ADAMTS3: variants seen among roughly 807,000 people sequenced by gnomAD.
ADAMTS3 encodes the protein A disintegrin and metalloproteinase with thrombospondin motifs 3.
Under a neutral mutation model 129.0 loss-of-function variants are expected in ADAMTS3, and 73 were observed. That is an observed-to-expected ratio of 0.57 (90% CI 0.47 to 0.69). The LOEUF (loss-of-function observed/expected upper bound fraction) is 0.69, where lower values mean the gene tolerates loss of function less well. Among genes scored for constraint, ADAMTS3 ranks in the 30% least tolerant of loss-of-function variants. The pLI is 0.00. For synonymous variants in ADAMTS3, 477 were observed against 510.8 expected (o/e 0.93, Z 0.89); for missense variants, 1,457 against 1,514.5 (o/e 0.96, Z 0.63).
chr4:72,509,228 G>A (rs1482948817), intron 3 of ADAMTS3, among the ~76,000 whole-genome samples: 1 of 149,422 alleles, frequency 6.7e-6, no homozygotes, highest in East Asian at 2.0e-4. Flanking sequence ...AGAAATGCAA[G>A]AGCAAAGCAA....
At chr4:72,535,395 G>A (rs1455279067) in intron 3 of ADAMTS3, among the ~76,000 whole-genome samples, 1 of 152,144 alleles carries the variant, frequency 6.6e-6, no homozygotes. Context: ...CAGCTCAGAA[G>A]TTGACTTTAA....
chr4:72,290,865 G>A lies in ADAMTS3; in HGVS notation c.2921C>T (p.Pro974Leu). The A allele has an allele frequency of 1.9e-6, 3 of 1,613,726 alleles. No individual in the cohort carries two copies. The highest frequency in any genetic ancestry group is 2.5e-6 in the Non-Finnish European group (3 of 1,179,858). Residue 974 changes from proline (P) to leucine (L), a missense_variant, in exon 20 of 22, where the codon CCC becomes CTC. Coordinates refer to ENST00000286657, the MANE Select transcript of ADAMTS3 (RefSeq NM_014243.3). ...VPCPAQWKTG[P>L]WSECSVTCGE... ...AATTCACACACCTACCTCACTCCAGGGTCCTGTTTTCCACTGTGCAGGGCA... is the reference window on the plus strand; with the variant it reads ...AATTCACACACCTACCTCACTCCAGAGTCCTGTTTTCCACTGTGCAGGGCA...
chr4:72,356,599 A>G (rs1445908537), intron 4 of ADAMTS3, among the ~76,000 whole-genome samples: 1 of 151,920 alleles, frequency 6.6e-6, no homozygotes, highest in East Asian at 1.9e-4. Flanking sequence ...TTTATAATGA[A>G]GAAATAAATG....
intron 2 of ADAMTS3, among the ~76,000 whole-genome samples, chr4:72,561,849 T>C (rs1222459158): frequency 6.6e-6 from 1 of 152,218 alleles, no homozygotes; most frequent in Non-Finnish European, 1.5e-5. Context: ...GCTGAATTTG[T>C]GGCAATCATT....
chr4:72,542,853 A>C (rs550204237), intron 3 of ADAMTS3, among the ~76,000 whole-genome samples: 107 of 152,264 alleles, frequency 7.0e-4, no homozygotes, highest in Non-Finnish European at 1.2e-3. Context: ...CTAGTTTTTT[A>C]ATTCACTTAA....
At chr4:72,420,464 ACTACCCAT>A (rs1281869095) in intron 3 of ADAMTS3, among the ~76,000 whole-genome samples, 1 of 152,144 alleles carries the variant, frequency 6.6e-6, no homozygotes, top group African/African-American at 2.4e-5. Flanking sequence ...GCATACACGG[ACTACCCAT>A]CTGCTTCTCA....
At chr4:72,497,836 T>C (rs1168294622) in intron 3 of ADAMTS3, among the ~76,000 whole-genome samples, 2 of 151,966 alleles carry the variant, frequency 1.3e-5, no homozygotes, top group African/African-American at 4.8e-5. Flanking sequence ...TTTGAACAAA[T>C]AAAAAATTAA....
intron 3 of ADAMTS3, among the ~76,000 whole-genome samples, chr4:72,518,590 A>G (rs1720563865): frequency 6.6e-6 from 1 of 152,124 alleles, no homozygotes; most frequent in Admixed American, 6.5e-5. Flanking sequence ...ACCATTATGT[A>G]ATAGCCTTCT....
intron 3 of ADAMTS3, among the ~76,000 whole-genome samples, chr4:72,470,081 A>C (rs1212695306): frequency 6.6e-6 from 1 of 152,060 alleles, no homozygotes; most frequent in Non-Finnish European, 1.5e-5. Context: ...TATTTTTTTA[A>C]ATACAAGACT....
intron 4 of ADAMTS3, among the ~76,000 whole-genome samples, chr4:72,395,628 C>T (rs1037649987): frequency 1.3e-5 from 2 of 152,166 alleles, no homozygotes; most frequent in Non-Finnish European, 2.9e-5. Context: ...ATGACTACAT[C>T]TTCAATCAAA....
intron 3 of ADAMTS3, among the ~76,000 whole-genome samples, chr4:72,538,260 A>C (rs1233393396): frequency 9.9e-5 from 15 of 152,222 alleles, no homozygotes; most frequent in Non-Finnish European, 2.2e-4. Flanking sequence ...ATTTGATGAA[A>C]GACATAAGTA....
intron 3 of ADAMTS3, among the ~76,000 whole-genome samples, chr4:72,495,762 T>C (rs1719859308): frequency 1.3e-5 from 2 of 152,190 alleles, no homozygotes. Flanking sequence ...CCCAGATCTT[T>C]AGAACATTAC....
chr4:72,353,640 G>T (rs1720501073), intron 4 of ADAMTS3, among the ~76,000 whole-genome samples: 1 of 151,954 alleles, frequency 6.6e-6, no homozygotes, highest in Non-Finnish European at 1.5e-5. Context: ...CTGGGAACTA[G>T]TCCTGAACCC....
chr4:72,323,937 A>G (rs1277140338), intron 5 of ADAMTS3, among the ~76,000 whole-genome samples: 2 of 152,188 alleles, frequency 1.3e-5, no homozygotes, highest in African/African-American at 4.8e-5. Flanking sequence ...CTACTGGCAG[A>G]TATGAATCTG....
At chr4:72,492,146 CTTCT>C (rs1356084519) in intron 3 of ADAMTS3, among the ~76,000 whole-genome samples, 1 of 151,480 alleles carries the variant, frequency 6.6e-6, no homozygotes, top group Non-Finnish European at 1.5e-5. Flanking sequence ...ATATTTGAAT[CTTCT>C]TTCTCTTTTT....
chr4:72,305,615 CT>C (rs1719063487), intron 16 of ADAMTS3, among the ~76,000 whole-genome samples: 2 of 152,010 alleles, frequency 1.3e-5, no homozygotes, highest in Non-Finnish European at 2.9e-5. Context: ...TAAAGCTCTA[CT>C]TTTTTTATGT....
chr4:72,400,914 CATAT>C (rs562672883), intron 4 of ADAMTS3, among the ~76,000 whole-genome samples: 1 of 146,214 alleles, frequency 6.8e-6, no homozygotes, highest in Non-Finnish European at 1.5e-5. Context: ...ATATATTGGA[CATAT>C]ATATATATAC....
intron 21 of ADAMTS3, among the ~76,000 whole-genome samples, chr4:72,284,315 G>C (rs1312817512): frequency 6.6e-6 from 1 of 152,026 alleles, no homozygotes. Context: ...CGCGGTGGCA[G>C]GCGCCTGTAG....
At chr4:72,419,324 C>G (rs6816899) in intron 3 of ADAMTS3, among the ~76,000 whole-genome samples, 101,104 of 151,608 alleles carry the variant, frequency 0.67, 34,316 homozygotes, top group South Asian at 0.8. Flanking sequence ...CAAAATTGCT[C>G]GCACAAAATA....
Sources: allele counts gnomAD v4.1 joint callset (sites outside exome capture counted in the v4.1 genomes callset), GRCh38; gene constraint gnomAD v4.1.1; transcripts MANE v1.5; gene names NCBI Gene and HGNC (gene_info 2026-07-23, HGNC 2026-07-21).